MYO5B: variants seen among roughly 807,000 people sequenced by gnomAD.
MYO5B encodes myosin VB.
Under a neutral mutation model 229.3 loss-of-function variants are expected in MYO5B, and 143 were observed. That is an observed-to-expected ratio of 0.62 (90% CI 0.54 to 0.72). The LOEUF is 0.72. Among genes scored for constraint, MYO5B ranks in the 30% least tolerant of loss-of-function variants. MYO5B has a pLI of 0.00. For synonymous variants in MYO5B, 918 were observed against 885.2 expected (o/e 1.04, Z -0.66); for missense variants, 2,321 against 2,331.0 (o/e 1.00, Z 0.09).
chr18:50,157,363 G>C (rs114709344), intron 1 of MYO5B, among the ~76,000 whole-genome samples: 1 of 152,100 alleles, frequency 6.6e-6, no homozygotes, highest in East Asian at 1.9e-4. Flanking sequence ...ACCTCGGCCT[G>C]GATATCCTTT....
chr18:50,062,357 A>C (rs1264882564), intron 1 of MYO5B, among the ~76,000 whole-genome samples: 1 of 152,198 alleles, frequency 6.6e-6, no homozygotes, highest in Non-Finnish European at 1.5e-5. Flanking sequence ...CTGGCAGTAT[A>C]AACTCCCTGT....
chr18:49,838,895 A>G (rs2024022752), intron 36 of MYO5B, among the ~76,000 whole-genome samples: 1 of 152,228 alleles, frequency 6.6e-6, no homozygotes, highest in Non-Finnish European at 1.5e-5. Flanking sequence ...AAATTTGGGA[A>G]AAAATACAAC....
chr18:50,150,145 A>T (rs2032574954), intron 1 of MYO5B, among the ~76,000 whole-genome samples: 3 of 139,994 alleles, frequency 2.1e-5, no homozygotes, highest in South Asian at 2.6e-4. Context: ...ACCATCTCAC[A>T]CCAGTTAGAA....
chr18:50,062,702 C>A (rs1050672167), intron 1 of MYO5B, among the ~76,000 whole-genome samples: 1 of 152,154 alleles, frequency 6.6e-6, no homozygotes, highest in South Asian at 2.1e-4. Flanking sequence ...GCCCAGACAC[C>A]GCATCCTGAA....
At chr18:49,858,625 C>T (rs549430513) in intron 29 of MYO5B, among the ~76,000 whole-genome samples, 10 of 152,336 alleles carry the variant, frequency 6.6e-5, no homozygotes, top group East Asian at 3.9e-4. Context: ...GTGGGGCACG[C>T]GAAGCTGACT....
At chr18:49,967,779 G>A (rs1265178422) in intron 10 of MYO5B, among the ~76,000 whole-genome samples, 2 of 152,064 alleles carry the variant, frequency 1.3e-5, no homozygotes, top group Non-Finnish European at 2.9e-5. Context: ...GAACAACCTC[G>A]GGATGCTGGC....
intron 1 of MYO5B, among the ~76,000 whole-genome samples, chr18:50,078,233 T>C (rs1345854062): frequency 6.6e-6 from 1 of 152,186 alleles, no homozygotes; most frequent in East Asian, 1.9e-4. Context: ...CTTGGTACCT[T>C]CTCATAAATA....
intron 1 of MYO5B, among the ~76,000 whole-genome samples, chr18:50,182,910 A>T (rs2033093141): frequency 6.6e-6 from 1 of 151,930 alleles, no homozygotes; most frequent in African/African-American, 2.4e-5. Context: ...AGCATGCAAA[A>T]CCCCACCCTG....
chr18:49,831,894 G>C (rs1369596419), intron 39 of MYO5B, among the ~76,000 whole-genome samples: 1 of 152,114 alleles, frequency 6.6e-6, no homozygotes, highest in East Asian at 1.9e-4. Context: ...GATATATAAA[G>C]GGAATATTAG....
intron 1 of MYO5B, among the ~76,000 whole-genome samples, chr18:50,118,439 C>T (rs1031426978): frequency 6.6e-6 from 1 of 152,218 alleles, no homozygotes; most frequent in African/African-American, 2.4e-5. Context: ...GTTAGTAGTT[C>T]ATATGCATGC....
At chr18:50,118,425 C>G (rs1204322407) in intron 1 of MYO5B, among the ~76,000 whole-genome samples, 1 of 152,186 alleles carries the variant, frequency 6.6e-6, no homozygotes, top group Non-Finnish European at 1.5e-5. Context: ...AGCTAGAAGC[C>G]TAGGTTAGTA....
chr18:49,980,496 AG>A lies in MYO5B; in HGVS notation c.1003del (p.Gly336GlufsTer23). 2 of 1,614,088 alleles carry A rather than the reference AG, an allele frequency of 1.2e-6. No individual in the cohort carries two copies. The highest frequency in any genetic ancestry group is 1.7e-6 in the Non-Finnish European group (2 of 1,179,952). The part of the protein sequence containing the change: ...IFKIIASILH[L>X]GSVAIQAERD... The stretch of plus-strand genomic sequence containing the variant: ...CTCAGCCTGAATCGCCACACTTCCA[AG>A]GTGCAAGATAGAAGCAATTATCTTA... On this transcript the variant is annotated frameshift_variant, in exon 9 of 40. Coordinates refer to ENST00000285039, the MANE Select transcript of MYO5B (RefSeq NM_001080467.3). LOFTEE classifies it high-confidence loss of function.
At chr18:49,890,112 G>A (rs2024691964) in intron 22 of MYO5B, among the ~76,000 whole-genome samples, 1 of 152,182 alleles carries the variant, frequency 6.6e-6, no homozygotes, top group Admixed American at 6.5e-5. Context: ...CACCCCAGGT[G>A]GGTGAGAGAA....
intron 17 of MYO5B, among the ~76,000 whole-genome samples, chr18:49,924,517 A>G (rs1367725759): frequency 2.0e-5 from 3 of 152,242 alleles, no homozygotes; most frequent in Admixed American, 6.5e-5. Context: ...GCTTTCTGGC[A>G]GGCCACAGCT....
chr18:49,922,105 A>G (rs1598884406), intron 17 of MYO5B, among the ~76,000 whole-genome samples: 2 of 152,222 alleles, frequency 1.3e-5, no homozygotes, highest in African/African-American at 4.8e-5. Flanking sequence ...CTCTGGTCCT[A>G]TGAAGGTCTC....
chr18:50,061,461 T>C (rs1258759945), intron 1 of MYO5B, among the ~76,000 whole-genome samples: 1 of 152,160 alleles, frequency 6.6e-6, no homozygotes, highest in East Asian at 1.9e-4. Context: ...CCTAAGGTGG[T>C]CCATGTTACT....
intron 22 of MYO5B, 69 bp from the exon 23 acceptor site, chr18:49,880,524 T>G: frequency 7.8e-7 from 1 of 1,274,636 alleles, no homozygotes; most frequent in South Asian, 1.2e-5. Flanking sequence ...CTTGTGGGAT[T>G]TGAATTTTAA....
At position 49,879,080 on chromosome 18, in the gene MYO5B, G is replaced by C. The variant is rs2024558488; in HGVS notation, c.3141C>G (p.Ala1047=). ...QILCQSKDEF[A]QNSVKENLMK... is the part of the protein sequence containing the mutation. ...TGAGATTTTCCTTCACAGAGTTCTG[G>C]GCAAATTCATCTGGAAAGCAACACG... Residue 1047 remains alanine, a synonymous_variant, in exon 24 of 40, where the codon GCC becomes GCG. Transcript: ENST00000285039. 6 of 1,614,084 alleles carry C rather than the reference G, an allele frequency of 3.7e-6. No individual in the cohort carries two copies. Among genetic ancestry groups the C allele is most frequent in the Non-Finnish European group, 5.1e-6 (6 of 1,180,026 alleles).
chr18:49,931,339 G>A (rs2025189059), intron 16 of MYO5B, among the ~76,000 whole-genome samples: 1 of 152,092 alleles, frequency 6.6e-6, no homozygotes, highest in Non-Finnish European at 1.5e-5. Flanking sequence ...TGCTCACTGT[G>A]GCTTCATTGC....
Sources: allele counts gnomAD v4.1 joint callset (sites outside exome capture counted in the v4.1 genomes callset), GRCh38; gene constraint gnomAD v4.1.1; transcripts MANE v1.5; gene names NCBI Gene and HGNC (gene_info 2026-07-23, HGNC 2026-07-21).